Variants in SRPK2 observed in about 807,000 individuals in gnomAD.
The protein encoded by SRPK2 is SFRS protein kinase 2.
Under a neutral mutation model 90.8 loss-of-function variants are expected in SRPK2, and 21 were observed. The observed-to-expected ratio is 0.23, with a 90% CI of 0.16 to 0.33. The LOEUF is 0.33. Among genes scored for constraint, SRPK2 ranks in the 10% least tolerant of loss-of-function variants. SRPK2 has a pLI of 1.00. For missense variants in SRPK2, 620 were observed against 869.0 expected, an observed-to-expected ratio of 0.71 and a Z score of 3.60; for synonymous variants, 288 against 311.1, an observed-to-expected ratio of 0.93 and a Z score of 0.78.
chr7:105,283,649 C>G (rs1028817815), intron 2 of SRPK2, among the ~76,000 whole-genome samples: 2 of 152,038 alleles, frequency 1.3e-5, no homozygotes, highest in African/African-American at 2.4e-5. Context: ...CAAAGAGGTT[C>G]TCTTTGAGGT....
chr7:105,235,288 C>T lies in SRPK2; in HGVS notation c.72-31503G>A, dbSNP rs77870007. On this transcript the variant is annotated intron_variant, in intron 2 of 15. Transcript: ENST00000393651. ...ATTCAAGTACATATGTATTTAAATT[C>T]ATGTTATAGATTATTTGGAAAGACT... is the stretch of plus-strand genomic sequence containing the variant. 5.2e-3 allele frequency among the ~76,000 whole-genome samples: 786 copies of T among 152,262 alleles called. 12 individuals are homozygous for T. The East Asian group carries it at 0.055, about 11-fold the overall frequency.
intron 7 of SRPK2, among the ~76,000 whole-genome samples, chr7:105,150,459 T>A (rs563750837): frequency 6.6e-6 from 1 of 152,308 alleles, no homozygotes; most frequent in South Asian, 2.1e-4. Context: ...GAGGTCACAG[T>A]GAGCTGAGAT....
In SRPK2 at chr7:105,328,728, A is replaced by G. The variant is rs1250930308; in HGVS notation, c.71+59920T>C. Among the ~76,000 whole-genome samples the G allele has an allele frequency of 3.3e-5, 5 of 150,792 alleles. No homozygotes were observed. The East Asian group carries it at 9.9e-4, about 30-fold the overall frequency. On this transcript the variant is annotated intron_variant, in intron 2 of 15. Transcript: ENST00000393651. ...AAATACAAAAAAATTAGCCGGGCAT[A>G]GCGGCAGGCACCTGTAGTCCCAGCT...
chr7:105,200,104 C>T (rs2129609112), intron 3 of SRPK2, among the ~76,000 whole-genome samples: 1 of 152,200 alleles, frequency 6.6e-6, no homozygotes, highest in East Asian at 1.9e-4. Context: ...GAGTTCAAGA[C>T]CAGCCTGGCC....
upstream of SRPK2, among the ~76,000 whole-genome samples, chr7:105,389,701 C>A (rs1460521313): frequency 6.6e-6 from 1 of 152,158 alleles, no homozygotes; most frequent in East Asian, 1.9e-4. Flanking sequence ...CAGCCAGGAT[C>A]GAAATTCAGG....
intron 2 of SRPK2, among the ~76,000 whole-genome samples, chr7:105,364,174 A>T (rs941358944): frequency 6.6e-6 from 1 of 152,176 alleles, no homozygotes; most frequent in African/African-American, 2.4e-5. Context: ...CCTAGAACTT[A>T]AAGTATAATT....
At chr7:105,390,428 C>CTATT (rs201600585), upstream of SRPK2, among the ~76,000 whole-genome samples, 5 of 151,396 alleles carry the variant, frequency 3.3e-5, no homozygotes, top group African/African-American at 4.9e-5. Context: ...GGTTTTCTTT[C>CTATT]TATTTATTTA....
intron 2 of SRPK2, among the ~76,000 whole-genome samples, chr7:105,230,471 C>A (rs1356854183): frequency 2.0e-5 from 3 of 152,262 alleles, no homozygotes; most frequent in Admixed American, 6.5e-5. Flanking sequence ...GATGGCAAAA[C>A]CATCCATGTG....
At chr7:105,200,158 C>G (rs937198676) in intron 3 of SRPK2, among the ~76,000 whole-genome samples, 2 of 152,124 alleles carry the variant, frequency 1.3e-5, no homozygotes, top group South Asian at 2.1e-4. Flanking sequence ...AAAGGTTAAC[C>G]AGGCGTGGTG....
intron 2 of SRPK2, among the ~76,000 whole-genome samples, chr7:105,240,715 G>C (rs1257409182): frequency 6.6e-6 from 1 of 152,126 alleles, no homozygotes; most frequent in Non-Finnish European, 1.5e-5. Flanking sequence ...AAGATCTACA[G>C]GTGATGAGAA....
rs181444022 is a variant in SRPK2 at position 105,274,455 on chromosome 7, G to A, written c.72-70670C>T. ...CAGATGCCTGTAATCCCAGCTACTC[G>A]GGAGGCTGAGGCAGGAGAATCGCTT... On this transcript the variant is annotated intron_variant, in intron 2 of 15. Coordinates refer to ENST00000393651, the MANE Select transcript of SRPK2 (RefSeq NM_182692.3). Among the ~76,000 whole-genome samples the A allele has an allele frequency of 1.8e-3, 272 of 151,978 alleles. 1 individual carries two copies. The highest frequency in any genetic ancestry group is 2.1e-3 in the Admixed American group (32 of 15,262).
Position 105,305,599 on chromosome 7 carries a change from G to T in SRPK2, c.71+83049C>A, listed in dbSNP as rs138208504. Among the ~76,000 whole-genome samples the T allele has an allele frequency of 4.7e-3, 711 of 152,226 alleles. 5 individuals carry two copies. Among genetic ancestry groups the T allele is most frequent in the African/African-American group, 0.016 (680 of 41,528 alleles). ...TAATTCTTCTGTGTAATTTTGGGGA[G>T]AGTCAGTGTTGAATTACCCAACAGG... On this transcript the variant is annotated intron_variant, in intron 2 of 15. Transcript: ENST00000393651.
chr7:105,252,886 G>A (rs1275329133), intron 2 of SRPK2, among the ~76,000 whole-genome samples: 3 of 151,590 alleles, frequency 2.0e-5, no homozygotes, highest in Non-Finnish European at 2.9e-5. Context: ...TGGGACTATA[G>A]GCACGCACCC....
At chr7:105,141,361 C>A (rs916213306) in intron 11 of SRPK2, among the ~76,000 whole-genome samples, 1 of 152,198 alleles carries the variant, frequency 6.6e-6, no homozygotes, top group Non-Finnish European at 1.5e-5. Flanking sequence ...TGGAAACCAG[C>A]TGTGTTACCC....
intron 2 of SRPK2, among the ~76,000 whole-genome samples, chr7:105,279,926 T>C: frequency 6.6e-6 from 1 of 152,238 alleles, no homozygotes; most frequent in East Asian, 1.9e-4. Flanking sequence ...GGCCAAGTTT[T>C]AAAGCTTTTC....
At chr7:105,208,523 T>C (rs779575453) in intron 2 of SRPK2, among the ~76,000 whole-genome samples, 8 of 152,196 alleles carry the variant, frequency 5.3e-5, no homozygotes, top group Non-Finnish European at 7.3e-5. Context: ...GGGTGACAGA[T>C]GCCAGTCAGA....
At chr7:105,248,940 A>C (rs1802106038) in intron 2 of SRPK2, among the ~76,000 whole-genome samples, 1 of 152,092 alleles carries the variant, frequency 6.6e-6, no homozygotes, top group African/African-American at 2.4e-5. Context: ...AAAAAAAAAA[A>C]ATTCAAAGGT....
intron 3 of SRPK2, among the ~76,000 whole-genome samples, chr7:105,170,837 A>AG (rs1418991845): frequency 1.2e-3 from 8 of 6,826 alleles, no homozygotes; most frequent in Admixed American, 3.2e-3. Flanking sequence ...GAAAGAAAGG[A>AG]AGAAAGAAAG....
chr7:105,308,000 G>A (rs1811323935), intron 2 of SRPK2, among the ~76,000 whole-genome samples: 1 of 152,120 alleles, frequency 6.6e-6, no homozygotes, highest in African/African-American at 2.4e-5. Context: ...ATATGCGAAA[G>A]TATTTTTGCA....
Sources: allele counts gnomAD v4.1 joint callset (sites outside exome capture counted in the v4.1 genomes callset), GRCh38; gene constraint gnomAD v4.1.1; transcripts MANE v1.5; gene names NCBI Gene and HGNC (gene_info 2026-07-23, HGNC 2026-07-21).